FKBP5: variants seen among roughly 807,000 people sequenced by gnomAD.
The protein encoded by FKBP5 is peptidyl-prolyl cis-trans isomerase FKBP5.
A neutral mutation model predicts 50.5 loss-of-function variants in FKBP5; 23 were observed. The observed-to-expected ratio is 0.46, with a 90% CI of 0.33 to 0.65. The LOEUF (loss-of-function observed/expected upper bound fraction) is 0.65, where lower values mean the gene tolerates loss of function less well. FKBP5 is among the 30% of genes least tolerant of loss of function. The pLI, the probability that FKBP5 is intolerant of heterozygous loss-of-function variation, is 0.02. For missense variants in FKBP5, 411 were observed against 553.1 expected (o/e 0.74, Z 2.58); for synonymous variants, 176 against 190.6 (o/e 0.92, Z 0.63).
At chr6:35,704,470 A>C (rs144719794) in intron 2 of FKBP5, among the ~76,000 whole-genome samples, 3 of 152,320 alleles carry the variant, frequency 2.0e-5, no homozygotes, top group African/African-American at 7.2e-5. Flanking sequence ...ATTGCTCAAA[A>C]ACCAGGAATA....
intron 1 of FKBP5, among the ~76,000 whole-genome samples, chr6:35,723,175 G>C (rs1340149805): frequency 6.6e-6 from 1 of 152,186 alleles, no homozygotes; most frequent in Non-Finnish European, 1.5e-5. Context: ...AGAGGTTGCA[G>C]TGAGCTGAGA....
At chr6:35,689,511 GCAGGAGATCC>G (rs901139740), upstream of FKBP5, among the ~76,000 whole-genome samples, 1 of 152,066 alleles carries the variant, frequency 6.6e-6, no homozygotes, top group African/African-American at 2.4e-5. Context: ...TACCTTTCAA[GCAGGAGATCC>G]CAGGAGATTA....
At chr6:35,709,864 C>T (rs1052153053) in intron 2 of FKBP5, among the ~76,000 whole-genome samples, 16 of 129,800 alleles carry the variant, frequency 1.2e-4, no homozygotes, top group African/African-American at 4.9e-4. Flanking sequence ...ATCTTTAAAG[C>T]ACTGCTTTTA....
At chr6:35,584,406 A>C in intron 8 of FKBP5, 1 of 985,454 alleles carries the variant, frequency 1.0e-6, no homozygotes, top group Non-Finnish European at 1.2e-6. Context: ...CAATATGCAG[A>C]TGGCATGAAA....
intron 1 of FKBP5, among the ~76,000 whole-genome samples, chr6:35,721,596 C>G (rs773258580): frequency 4.1e-4 from 62 of 152,250 alleles, no homozygotes; most frequent in Admixed American, 7.2e-4. Context: ...GCTGGGACCA[C>G]AGCCATGCGC....
chr6:35,683,688 A>G (rs1765745079), intron 1 of FKBP5, among the ~76,000 whole-genome samples: 1 of 136,918 alleles, frequency 7.3e-6, no homozygotes, highest in South Asian at 2.4e-4. Flanking sequence ...CATGTTGGCC[A>G]GGCTGGTCTC....
intron 3 of FKBP5, among the ~76,000 whole-genome samples, chr6:35,635,090 T>C (rs1014035878): frequency 2.0e-5 from 3 of 151,108 alleles, no homozygotes; most frequent in African/African-American, 7.3e-5. Flanking sequence ...TCCCAGGTGT[T>C]TGGGTGGGCT....
chr6:35,581,159 C>T, intron 8 of FKBP5: 1 of 981,590 alleles, frequency 1.0e-6, no homozygotes, highest in Non-Finnish European at 1.2e-6. Context: ...GATCTATAGG[C>T]AATGGGAATA....
chr6:35,722,926 T>C (rs558965465), intron 1 of FKBP5, among the ~76,000 whole-genome samples: 1 of 152,312 alleles, frequency 6.6e-6, no homozygotes, highest in East Asian at 1.9e-4. Flanking sequence ...ACACACACAG[T>C]AGGTGCTTAA....
chr6:35,582,306 C>T (rs1468471062), intron 8 of FKBP5: 1 of 984,842 alleles, frequency 1.0e-6, no homozygotes. Context: ...TTGCTATGGA[C>T]TGAATTGTGT....
intron 1 of FKBP5, among the ~76,000 whole-genome samples, chr6:35,644,599 C>A (rs1764579418): frequency 6.6e-6 from 1 of 152,140 alleles, no homozygotes. Context: ...ATGAAAGATC[C>A]AAATGTTTGG....
At chr6:35,654,003 T>C (rs1033013831) in intron 1 of FKBP5, among the ~76,000 whole-genome samples, 1 of 152,176 alleles carries the variant, frequency 6.6e-6, no homozygotes, top group Non-Finnish European at 1.5e-5. Context: ...TATAAGTACA[T>C]GTGAACATAA....
chr6:35,728,145 GGCGA>G (rs1386850161), intron 1 of FKBP5, among the ~76,000 whole-genome samples: 1 of 152,212 alleles, frequency 6.6e-6, no homozygotes, highest in Admixed American at 6.5e-5. Flanking sequence ...CGGGCGGGCG[GGCGA>G]GCGCGAGCGA....
intron 9 of FKBP5, among the ~76,000 whole-genome samples, chr6:35,579,728 C>G (rs1037359795): frequency 3.3e-5 from 5 of 152,078 alleles, no homozygotes. Context: ...AGGAGTTATA[C>G]GTCTACTCTG....
chr6:35,644,562 T>C (rs1307674306), intron 1 of FKBP5, among the ~76,000 whole-genome samples: 4 of 152,242 alleles, frequency 2.6e-5, no homozygotes, highest in Non-Finnish European at 5.9e-5. Flanking sequence ...CTCTCTGCTC[T>C]AGTTTCTAGT....
intron 2 of FKBP5, among the ~76,000 whole-genome samples, chr6:35,701,219 GTTTGTTTGTTTTTGTTT>G (rs1766177205): frequency 2.2e-5 from 2 of 92,948 alleles, no homozygotes; most frequent in African/African-American, 9.9e-5. Flanking sequence ...TTGTTTGTTT[GTTTGTTTGTTTTTGTTT>G]TTTGTTTTTT....
chr6:35,728,124 T>C (rs1766758717), intron 1 of FKBP5, among the ~76,000 whole-genome samples: 1 of 152,064 alleles, frequency 6.6e-6, no homozygotes, highest in East Asian at 1.9e-4. Flanking sequence ...GAACACAATG[T>C]CCCGAGCGGG....
chr6:35,675,804 G>A (rs190283438), intron 1 of FKBP5, among the ~76,000 whole-genome samples: 16 of 152,184 alleles, frequency 1.1e-4, no homozygotes, highest in African/African-American at 3.6e-4. Flanking sequence ...CATCATCATC[G>A]AAACTTAGGA....
rs183301018 is a variant in FKBP5 at position 35,708,160 on chromosome 6, G to A, written c.-20+12168C>T. On this transcript the variant is annotated intron_variant, in intron 2 of 11. Transcript: ENST00000536438. Reference sequence around the variant, plus strand: ...CCCATATATGCCAAGGAAGTAGGTAGGTATAAAGATCTAGTTCCTTACAGC... The same window carrying A: ...CCCATATATGCCAAGGAAGTAGGTAAGTATAAAGATCTAGTTCCTTACAGC... Among the ~76,000 whole-genome samples the A allele has an allele frequency of 7.0e-4, 106 of 152,262 alleles. 1 individual carries two copies. The highest frequency in any genetic ancestry group is 1.2e-3 in the Non-Finnish European group (84 of 68,022).
Sources: gnomAD v4.1 joint callset for allele counts (sites outside exome capture counted in the v4.1 genomes callset) on GRCh38, gnomAD v4.1.1 for gene constraint, MANE v1.5 for transcripts, NCBI Gene and HGNC (gene_info 2026-07-23, HGNC 2026-07-21) for gene names.